The following RTN1 variants were observed in gnomAD, a reference collection of about 807,000 sequenced individuals.
RTN1 encodes reticulon-1.
RTN1 carries 25 observed loss-of-function variants against 65.5 expected under a neutral mutation model. The observed-to-expected ratio is 0.38, with a 90% confidence interval of 0.28 to 0.53. RTN1 has a LOEUF of 0.53. Among genes scored for constraint, RTN1 ranks in the 20% least tolerant of loss-of-function variants. RTN1 has a pLI of 0.79. For synonymous variants in RTN1, 471 were observed against 447.6 expected, an observed-to-expected ratio of 1.05 and a Z score of -0.66; for missense variants, 983 against 1,025.4, an observed-to-expected ratio of 0.96 and a Z score of 0.57.
At position 59,597,080 on chromosome 14, in the gene RTN1, A is replaced by T. The variant is rs187816754; in HGVS notation, c.2289-293T>A. ...ATTTCAGGATTACAGAAACTGTGATATAGTTAGGGTGATTATTTATCCCCC... is the reference window on the plus strand; with the variant it reads ...ATTTCAGGATTACAGAAACTGTGATTTAGTTAGGGTGATTATTTATCCCCC... On this transcript the variant is annotated intron_variant, in intron 8 of 8. Transcript: ENST00000267484. Among the ~76,000 whole-genome samples, 9 of 152,352 alleles carry T rather than the reference A, an allele frequency of 5.9e-5. No homozygotes were observed. In the East Asian group the frequency reaches 1.7e-3, roughly 29 times the overall value.
intron 1 of RTN1, among the ~76,000 whole-genome samples, chr14:59,839,798 T>C (rs1887278381): frequency 6.6e-6 from 1 of 152,142 alleles, no homozygotes; most frequent in African/African-American, 2.4e-5. Flanking sequence ...CTCTAATATA[T>C]CTAATTCATT....
intron 3 of RTN1, among the ~76,000 whole-genome samples, chr14:59,634,130 G>A (rs1467485468): frequency 1.3e-5 from 2 of 152,120 alleles, no homozygotes; most frequent in Non-Finnish European, 2.9e-5. Flanking sequence ...GTGGAGGTGA[G>A]GTGAAAATTT....
chr14:59,659,853 T>C (rs1025521865), intron 3 of RTN1, among the ~76,000 whole-genome samples: 1 of 152,186 alleles, frequency 6.6e-6, no homozygotes, highest in African/African-American at 2.4e-5. Context: ...AATAACCAGC[T>C]AACATCATAA....
intron 3 of RTN1, among the ~76,000 whole-genome samples, chr14:59,640,879 T>C (rs1001118849): frequency 1.3e-5 from 2 of 152,218 alleles, no homozygotes; most frequent in African/African-American, 4.8e-5. Context: ...TGTTTCTTTG[T>C]TTTTATTTTC....
In RTN1 at chr14:59,750,329, AAT is replaced by A. The variant is rs1173657271; in HGVS notation, c.242-3850_242-3849del. Among the ~76,000 whole-genome samples, 40 of 13,686 alleles carry A rather than the reference AAT, an allele frequency of 2.9e-3. 5 individuals carry two copies. The highest frequency in any genetic ancestry group is 0.013 in the African/African-American group (37 of 2,846). 9.0% of individuals were successfully genotyped at this position (13,686 alleles called of 152,430 possible). On this transcript the variant is annotated intron_variant, in intron 1 of 8. Coordinates refer to ENST00000267484, the MANE Select transcript of RTN1 (RefSeq NM_021136.3). ...ATAATATATAATATCTATAATATAT[AAT>A]ATATTATATCTATAATATATATTAT...
At chr14:59,839,541 C>T (rs917480840) in intron 1 of RTN1, among the ~76,000 whole-genome samples, 7 of 152,146 alleles carry the variant, frequency 4.6e-5, no homozygotes, top group Admixed American at 1.3e-4. Context: ...GACTATTATC[C>T]TTTGGCACCC....
At position 59,727,692 on chromosome 14, in the gene RTN1, G is replaced by A; in HGVS notation, c.1016-24C>T. On this transcript the variant is annotated intron_variant, in intron 2 of 8. Coordinates refer to ENST00000267484, the MANE Select transcript of RTN1 (RefSeq NM_021136.3). The surrounding 1 kb of genome is among the most constrained non-coding windows in gnomAD (Gnocchi z 4.2). The stretch of plus-strand genomic sequence containing the variant: ...TTCTGTCGTCCCACAGAGCGAAGGA[G>A]AGCCACGGAGGCACACACACGGACA... 6.4e-7 allele frequency: 1 copy of A among 1,563,488 alleles called. No homozygotes were observed. Among genetic ancestry groups the A allele is most frequent in the African/African-American group, 1.4e-5 (1 of 73,562 alleles).
chr14:59,784,397 T>C (rs1189595500), intron 1 of RTN1, among the ~76,000 whole-genome samples: 1 of 150,306 alleles, frequency 6.7e-6, no homozygotes, highest in East Asian at 1.9e-4. Context: ...GCCGAGATCG[T>C]GCCATTACAC....
At chr14:59,701,422 T>C (rs1241962429) in intron 3 of RTN1, among the ~76,000 whole-genome samples, 1 of 152,214 alleles carries the variant, frequency 6.6e-6, no homozygotes, top group Admixed American at 6.5e-5. Flanking sequence ...ACAACTCAAA[T>C]GTCCACCAAA....
intron 1 of RTN1, among the ~76,000 whole-genome samples, chr14:59,772,602 A>G (rs934867629): frequency 6.6e-6 from 1 of 152,028 alleles, no homozygotes; most frequent in Non-Finnish European, 1.5e-5. Context: ...TTCCTTAGCT[A>G]AAATGATGCT....
intron 3 of RTN1, among the ~76,000 whole-genome samples, chr14:59,724,725 GA>G (rs373673774): frequency 0.48 from 66,621 of 138,630 alleles, 16,686 homozygotes; most frequent in African/African-American, 0.7. Context: ...TGTGTCAGAC[GA>G]AAAAAAAAAA....
intron 3 of RTN1, among the ~76,000 whole-genome samples, chr14:59,719,226 T>C (rs999258009): frequency 6.6e-6 from 1 of 152,240 alleles, no homozygotes; most frequent in Non-Finnish European, 1.5e-5. Context: ...TTCTTGCCAT[T>C]CTTCCCCTTG....
intron 4 of RTN1, 152 bp from the exon 5 acceptor site, chr14:59,605,658 A>C: frequency 1.5e-6 from 1 of 680,570 alleles, no homozygotes; most frequent in East Asian, 2.7e-5. Context: ...TGAGGGCCAC[A>C]GGGCACCGTA....
intron 3 of RTN1, among the ~76,000 whole-genome samples, chr14:59,688,125 C>A (rs549509565): frequency 6.6e-6 from 1 of 151,732 alleles, no homozygotes; most frequent in South Asian, 2.1e-4. Flanking sequence ...CCTCTCTACT[C>A]GATGCTCAGG....
At chr14:59,743,545 T>C (rs1885155405) in intron 2 of RTN1, among the ~76,000 whole-genome samples, 1 of 152,212 alleles carries the variant, frequency 6.6e-6, no homozygotes, top group South Asian at 2.1e-4. Flanking sequence ...AACTCGGATA[T>C]GTTCTGACCT....
chr14:59,668,942 AAGTC>A (rs1397281120), intron 3 of RTN1, among the ~76,000 whole-genome samples: 4 of 152,134 alleles, frequency 2.6e-5, no homozygotes, highest in South Asian at 2.1e-4. Flanking sequence ...AATCATTAAA[AAGTC>A]AGGAAACAAC....
chr14:59,796,051 C>T (rs963345791), intron 1 of RTN1, among the ~76,000 whole-genome samples: 1 of 152,186 alleles, frequency 6.6e-6, no homozygotes, highest in Non-Finnish European at 1.5e-5. Context: ...AACACAGTCA[C>T]ATGTCCCATA....
intron 1 of RTN1, among the ~76,000 whole-genome samples, chr14:59,821,158 C>T (rs1019306821): frequency 6.6e-6 from 1 of 152,122 alleles, no homozygotes; most frequent in African/African-American, 2.4e-5. Flanking sequence ...AAATGTTTTT[C>T]CATTTGTTTA....
rs879265620 is a variant in RTN1 at position 59,846,431 on chromosome 14, C to T, written c.241+23959G>A. On this transcript the variant is annotated intron_variant, in intron 1 of 8. Coordinates refer to ENST00000267484, the MANE Select transcript of RTN1 (RefSeq NM_021136.3). The surrounding 1 kb of genome is among the most constrained non-coding windows in gnomAD (Gnocchi z 4.8). ...GTATGCACACGTGTGTACACACACA[C>T]GTGTGTACCACACACATCCACACTC... is the stretch of plus-strand genomic sequence containing the variant. Among the ~76,000 whole-genome samples the T allele has an allele frequency of 1.2e-4, 18 of 152,146 alleles. No homozygotes were observed. The highest frequency in any genetic ancestry group is 5.8e-4 in the East Asian group (3 of 5,150).
Sources: gnomAD v4.1 joint callset for allele counts (sites outside exome capture counted in the v4.1 genomes callset) on GRCh38, gnomAD v4.1.1 for gene constraint, Gnocchi (gnomAD v3.1) non-coding constraint, MANE v1.5 for transcripts, NCBI Gene and HGNC (gene_info 2026-07-23, HGNC 2026-07-21) for gene names.